TAF4B: variants seen among roughly 807,000 people sequenced by gnomAD.
TAF4B encodes the protein transcription initiation factor TFIID subunit 4B.
TAF4B carries 38 observed loss-of-function variants against 86.4 expected under a neutral mutation model. That is an observed-to-expected ratio of 0.44 (90% CI 0.34 to 0.58). TAF4B has a LOEUF of 0.58. Among genes scored for constraint, TAF4B ranks in the 20% least tolerant of loss-of-function variants. The pLI, the probability that TAF4B is intolerant of heterozygous loss-of-function variation, is 0.02. For synonymous variants in TAF4B, 388 were observed against 391.2 expected (o/e 0.99, Z 0.10); for missense variants, 988 against 1,027.6 (o/e 0.96, Z 0.53).
intron 1 of TAF4B, among the ~76,000 whole-genome samples, chr18:26,232,085 G>A (rs950830682): frequency 3.3e-5 from 5 of 152,080 alleles, no homozygotes; most frequent in Non-Finnish European, 7.4e-5. Context: ...GAATCTTCTT[G>A]CTAGCTACAG....
chr18:26,301,807 C>T (rs575476541), intron 9 of TAF4B, among the ~76,000 whole-genome samples: 1 of 152,268 alleles, frequency 6.6e-6, no homozygotes, highest in Non-Finnish European at 1.5e-5. Context: ...TGGACTTCAA[C>T]TTCTTGTCTC....
chr18:26,286,947 G>A (rs910679462), intron 7 of TAF4B, among the ~76,000 whole-genome samples: 1 of 152,128 alleles, frequency 6.6e-6, no homozygotes, highest in African/African-American at 2.4e-5. Flanking sequence ...GCCTCCCAAA[G>A]CACTGGGATT....
chr18:26,344,748 CAA>C (rs1330909414), intron 13 of TAF4B, among the ~76,000 whole-genome samples: 1 of 152,088 alleles, frequency 6.6e-6, no homozygotes, highest in Non-Finnish European at 1.5e-5. Context: ...GTTTCTTCTA[CAA>C]AAAAGGACTG....
At chr18:26,255,440 C>A (rs2056067596) in intron 1 of TAF4B, among the ~76,000 whole-genome samples, 1 of 151,726 alleles carries the variant, frequency 6.6e-6, no homozygotes, top group Admixed American at 6.6e-5. Flanking sequence ...CCTGTCTCTA[C>A]TAAAACTAAA....
intron 14 of TAF4B, among the ~76,000 whole-genome samples, chr18:26,381,194 TA>T (rs2057476024): frequency 6.6e-6 from 1 of 151,840 alleles, no homozygotes; most frequent in Non-Finnish European, 1.5e-5. Flanking sequence ...TTAGCATTTT[TA>T]GTAGAGGTAG....
At chr18:26,249,730 T>A (rs1208991380) in intron 1 of TAF4B, among the ~76,000 whole-genome samples, 2 of 152,212 alleles carry the variant, frequency 1.3e-5, no homozygotes, top group South Asian at 2.1e-4. Context: ...TTATTTATTT[T>A]TTTTTAGAGA....
At chr18:26,233,245 CTG>C (rs780291448) in intron 1 of TAF4B, among the ~76,000 whole-genome samples, 2 of 152,090 alleles carry the variant, frequency 1.3e-5, no homozygotes, top group African/African-American at 4.8e-5. Context: ...GAGTGGCTCT[CTG>C]TGTTCTATTT....
At position 26,327,036 on chromosome 18, in the gene TAF4B, T is replaced by C. The variant is rs2057010066; in HGVS notation, c.2155T>C (p.Cys719Arg). 1.2e-6 allele frequency: 2 copies of C among 1,613,326 alleles called. No homozygotes were observed. The highest frequency in any genetic ancestry group is 1.3e-5 in the African/African-American group (1 of 74,900). Reference protein sequence around the residue: ...TYKASENYILCSDTRSQLKFL... With the variant: ...TYKASENYILRSDTRSQLKFL... ...CCAGGCAAGTGAAAATTACATCCTG[T>C]GTAGTGATACCAGGTCACAGCTCAA... Residue 719 changes from cysteine (C) to arginine (R), a missense_variant, in exon 12 of 15, where the codon TGT becomes CGT. This residue lies in a region of TAF4B where 216 missense variants were observed against 238.4 expected (regional missense o/e 0.91). Transcript: ENST00000269142.
At chr18:26,306,725 A>G (rs528524562) in intron 9 of TAF4B, among the ~76,000 whole-genome samples, 20 of 152,006 alleles carry the variant, frequency 1.3e-4, no homozygotes, top group African/African-American at 4.6e-4. Context: ...TGTCTTTTTA[A>G]ATTTAATTTT....
chr18:26,346,877 GTATATATATATATA>G (rs1220239621), intron 13 of TAF4B, among the ~76,000 whole-genome samples: 12 of 6,602 alleles, frequency 1.8e-3, no homozygotes, highest in African/African-American at 3.5e-3. Flanking sequence ...ATATATATGT[GTATATATATATATA>G]TATATATATG....
chr18:26,285,222 G>GTTTTTGTTTTTTTTT, intron 6 of TAF4B, among the ~76,000 whole-genome samples: 8 of 45,660 alleles, frequency 1.8e-4, no homozygotes, highest in Admixed American at 3.1e-4. Context: ...TTTTTTTTTT[G>GTTTTTGTTTTTTTTT]TTTTTTTTTT....
At position 26,282,075 on chromosome 18, in the gene TAF4B, C is replaced by T. The variant is rs7230193; in HGVS notation, c.972+15C>T. On this transcript the variant is annotated intron_variant, in intron 6 of 14. Transcript: ENST00000269142. ...CTTTTCTTAAGGTAGAGTTATGTGT[C>T]ACTTAGAAGAAATAATTTGGATTAG... 164 of 1,569,892 alleles carry T rather than the reference C, an allele frequency of 1.0e-4. 1 individual carries two copies. In the African/African-American group the frequency reaches 2.1e-3, roughly 20 times the overall value.
chr18:26,338,114 A>G (rs921331981), intron 13 of TAF4B, among the ~76,000 whole-genome samples: 4 of 152,136 alleles, frequency 2.6e-5, no homozygotes, highest in African/African-American at 4.8e-5. Context: ...AATCCCCTTC[A>G]TTCCTAATCT....
intron 1 of TAF4B, among the ~76,000 whole-genome samples, chr18:26,231,898 C>T (rs970188796): frequency 1.2e-4 from 19 of 152,132 alleles, no homozygotes; most frequent in Admixed American, 1.1e-3. Context: ...CTTTTATCCC[C>T]TTATTGGCCC....
At chr18:26,263,714 TC>T (rs561973875) in intron 1 of TAF4B, among the ~76,000 whole-genome samples, 21 of 139,084 alleles carry the variant, frequency 1.5e-4, no homozygotes, top group African/African-American at 4.9e-4. Context: ...TCTCTCTTTC[TC>T]TCTCTCTCTC....
intron 13 of TAF4B, among the ~76,000 whole-genome samples, chr18:26,346,817 G>GTGTATATATATATA (rs2057192643): frequency 8.6e-5 from 1 of 11,658 alleles, no homozygotes; most frequent in Non-Finnish European, 2.8e-4. Flanking sequence ...ATATATATAT[G>GTGTATATATATATA]TGTGTGTATA....
chr18:26,384,894 G>A (rs1252365104), intron 14 of TAF4B, among the ~76,000 whole-genome samples: 1 of 152,192 alleles, frequency 6.6e-6, no homozygotes, highest in Non-Finnish European at 1.5e-5. Flanking sequence ...AGGAGACAAC[G>A]AGTGTTTGCC....
Position 26,353,173 on chromosome 18 carries a change from A to G in TAF4B, c.2317-4517A>G, listed in dbSNP as rs73395963. Among the ~76,000 whole-genome samples the G allele has an allele frequency of 6.1e-3, 925 of 152,314 alleles. 8 individuals carry two copies. The highest frequency in any genetic ancestry group is 0.021 in the African/African-American group (874 of 41,560). On this transcript the variant is annotated intron_variant, in intron 13 of 14. Transcript: ENST00000269142. ...ATGAACATAGATATAAACATCCCAA[A>G]CAAAATGTTAGCAAATCAAATCTAC...
chr18:26,366,749 C>T (rs979529311), intron 14 of TAF4B, among the ~76,000 whole-genome samples: 29 of 152,094 alleles, frequency 1.9e-4, no homozygotes, highest in African/African-American at 2.4e-5. Flanking sequence ...TTAAACCATA[C>T]AAACTTGCCA....
Sources: gnomAD v4.1 joint callset for allele counts (sites outside exome capture counted in the v4.1 genomes callset) on GRCh38, gnomAD v4.1.1 for gene constraint, gnomAD v4.1.1 regional missense constraint, MANE v1.5 for transcripts, NCBI Gene and HGNC (gene_info 2026-07-23, HGNC 2026-07-21) for gene names.